The following GLB1 variants were observed in gnomAD, a reference collection of about 807,000 sequenced individuals.
GLB1 encodes the protein beta-galactosidase.
A neutral mutation model predicts 74.0 loss-of-function variants in GLB1; 56 were observed. The observed-to-expected ratio is 0.76, with a 90% CI of 0.61 to 0.94. GLB1 has a LOEUF of 0.94. GLB1 is among the 40% of genes least tolerant of loss of function. The probability of loss-of-function intolerance (pLI) is 0.00; values close to 1 mark genes in which losing one functional copy is unlikely to be tolerated. For synonymous variants in GLB1, 323 were observed against 323.6 expected, an observed-to-expected ratio of 1.00 and a Z score of 0.02; for missense variants, 787 against 845.5, an observed-to-expected ratio of 0.93 and a Z score of 0.86.
At chr3:32,978,160 T>G in the GLB1 span, among the ~76,000 whole-genome samples, 2 of 152,162 alleles carry the variant, frequency 1.3e-5, no homozygotes, top group African/African-American at 4.8e-5. Context: ...AAATGCCCAT[T>G]ATCTCAAAAA....
rs200496984 is a variant in GLB1, at chr3:33,093,350, C to T, written c.75+3661G>A. 38 of 1,614,152 alleles carry T rather than the reference C, an allele frequency of 2.4e-5. No homozygotes were observed. The highest frequency in any genetic ancestry group is 1.3e-4 in the Admixed American group (8 of 60,020). ...GTGCAAACCAGTTGCTGACATCTGA[C>T]GTGTAGTACTCATGATTGCCTGTGA... On this transcript the variant is annotated intron_variant, in intron 1 of 15. Transcript: ENST00000307363. The surrounding 1 kb of genome is among the most constrained non-coding windows in gnomAD (Gnocchi z 6.0).
At chr3:33,082,455 GC>G (rs1700357359) in intron 1 of GLB1, among the ~76,000 whole-genome samples, 1 of 152,148 alleles carries the variant, frequency 6.6e-6, no homozygotes, top group African/African-American at 2.4e-5. Flanking sequence ...AGCTATTAGT[GC>G]CCCCTCCACA....
intron 5 of GLB1, among the ~76,000 whole-genome samples, chr3:33,059,529 A>G (rs1339575551): frequency 1.3e-5 from 2 of 152,240 alleles, no homozygotes; most frequent in Non-Finnish European, 2.9e-5. Context: ...ATACAGTACA[A>G]TCCCCTTTAG....
chr3:33,031,380 A>G (rs1697997793), intron 10 of GLB1, among the ~76,000 whole-genome samples: 1 of 151,950 alleles, frequency 6.6e-6, no homozygotes, highest in Admixed American at 6.6e-5. Context: ...GCGGTGGCTT[A>G]CACCTGTAAT....
At chr3:33,018,702 T>C (rs1007243465) in intron 12 of GLB1, 141 bp from the exon 13 acceptor site, 19 of 875,418 alleles carry the variant, frequency 2.2e-5, no homozygotes, top group South Asian at 1.4e-4. Context: ...AAAAATTAAA[T>C]TTGAAAAAGG....
At position 33,011,863 on chromosome 3, in the gene GLB1, T is replaced by G. The variant is rs148913560; in HGVS notation, c.1734+2193A>C. ...TATATTCAAGTATTCCTGTTCGTAT[T>G]CCTTACCCTGGTCTTCTCTATAGAA... On this transcript the variant is annotated intron_variant, in intron 15 of 15. Transcript: ENST00000307363. 3.1e-3 allele frequency among the ~76,000 whole-genome samples: 470 copies of G among 152,300 alleles called. 1 individual carries two copies. The highest frequency in any genetic ancestry group is 0.01 in the African/African-American group (428 of 41,566).
intron 11 of GLB1, among the ~76,000 whole-genome samples, chr3:33,022,412 T>C (rs1022668018): frequency 2.0e-5 from 3 of 151,946 alleles, no homozygotes; most frequent in South Asian, 2.1e-4. Flanking sequence ...CACTAGCTCA[T>C]TGAATACTCA....
rs768763908 is a variant in GLB1, at chr3:33,093,506, C to T, written c.75+3505G>A. Reference sequence around the variant, plus strand: ...CTGGTTCCAGCACATTCACCATCCTCACAAACATTTCCATCTTGGTCCTGC... The same window carrying T: ...CTGGTTCCAGCACATTCACCATCCTTACAAACATTTCCATCTTGGTCCTGC... On this transcript the variant is annotated intron_variant, in intron 1 of 15. Coordinates refer to ENST00000307363, the MANE Select transcript of GLB1 (RefSeq NM_000404.4). This position sits in a 1 kb window ranked among gnomAD's most constrained non-coding sequence, Gnocchi z 6.0. 81 of 1,614,094 alleles carry T rather than the reference C, an allele frequency of 5.0e-5. No individual in the cohort carries two copies. Among genetic ancestry groups the T allele is most frequent in the Non-Finnish European group, 6.7e-5 (79 of 1,180,042 alleles).
At chr3:33,015,593 C>T (rs776734829) in intron 14 of GLB1, among the ~76,000 whole-genome samples, 8 of 151,742 alleles carry the variant, frequency 5.3e-5, no homozygotes, top group Non-Finnish European at 1.2e-4. Context: ...GTATGTCAGG[C>T]TCTTTGACAG....
chr3:33,021,795 G>C (rs1210242249), intron 11 of GLB1, 140 bp from the exon 12 acceptor site: 7 of 947,726 alleles, frequency 7.4e-6, no homozygotes, highest in Non-Finnish European at 9.8e-6. Flanking sequence ...ATTCCACTCA[G>C]TATTGCTTCC....
intron 1 of GLB1, chr3:33,096,343 T>C (rs901949393): frequency 3.8e-5 from 37 of 969,888 alleles, no homozygotes; most frequent in Non-Finnish European, 3.4e-5. Flanking sequence ...CCTCACCTAT[T>C]CGCCTCGCCA....
At chr3:33,014,390 G>A in intron 14 of GLB1, 80 bp from the exon 15 acceptor site, 1 of 1,572,550 alleles carries the variant, frequency 6.4e-7, no homozygotes, top group Non-Finnish European at 8.6e-7. Context: ...CAGGGAAATG[G>A]GAAAAGCAAA....
chr3:33,034,567 C>A (rs1219183674), intron 10 of GLB1: 2 of 722,282 alleles, frequency 2.8e-6, no homozygotes, highest in Non-Finnish European at 5.1e-6. Flanking sequence ...GTGTGTTCAT[C>A]TGGACCTGTG....
intron 9 of GLB1, among the ~76,000 whole-genome samples, chr3:33,047,482 C>T (rs969392370): frequency 3.3e-5 from 5 of 152,204 alleles, no homozygotes; most frequent in East Asian, 1.9e-4. Flanking sequence ...GTCCAGGTGA[C>T]GCTGATGCTG....
intron 1 of GLB1, among the ~76,000 whole-genome samples, chr3:33,090,141 A>G (rs1184444701): frequency 6.6e-6 from 1 of 152,262 alleles, no homozygotes; most frequent in Non-Finnish European, 1.5e-5. Context: ...GATGATATTC[A>G]AGAATCACTG....
chr3:32,965,690 T>G, the GLB1 span, among the ~76,000 whole-genome samples: 1 of 152,186 alleles, frequency 6.6e-6, no homozygotes, highest in South Asian at 2.1e-4. Context: ...TCAGGGGATA[T>G]CAGAGACCTT....
chr3:32,987,913 G>A, the GLB1 span, among the ~76,000 whole-genome samples: 2 of 151,920 alleles, frequency 1.3e-5, no homozygotes, highest in Non-Finnish European at 2.9e-5. Flanking sequence ...GGCTGGGTAC[G>A]GTGGCTCATG....
Position 33,043,905 on chromosome 3 carries a change from A to G in GLB1, c.1068+2215T>C, listed in dbSNP as rs112190791. 2.4e-3 allele frequency among the ~76,000 whole-genome samples: 269 copies of G among 114,082 alleles called. 1 individual carries two copies. Among genetic ancestry groups the G allele is most frequent in the African/African-American group, 7.5e-3 (258 of 34,302 alleles). The allele number at this position is 114,082 out of a possible 152,430, so 74.8% of individuals were successfully genotyped here. On this transcript the variant is annotated intron_variant, in intron 10 of 15. Coordinates refer to ENST00000307363, the MANE Select transcript of GLB1 (RefSeq NM_000404.4). ...CCTTATTAGAAATAGAGGGTTATATAATCCCTTTACTATTAAGTACTGAAG... is the reference window on the plus strand; with the variant it reads ...CCTTATTAGAAATAGAGGGTTATATGATCCCTTTACTATTAAGTACTGAAG...
chr3:33,080,098 T>TTGTTGTTG (rs111917407), intron 1 of GLB1, among the ~76,000 whole-genome samples: 33,212 of 151,842 alleles, frequency 0.22, 5,814 homozygotes, highest in African/African-American at 0.47. Context: ...AACTGTTTTT[T>TTGTTGTTG]TTTGTTTGTT....
Sources: allele counts gnomAD v4.1 joint callset (sites outside exome capture counted in the v4.1 genomes callset), GRCh38; gene constraint gnomAD v4.1.1; non-coding constraint Gnocchi (gnomAD v3.1); transcripts MANE v1.5; gene names NCBI Gene and HGNC (gene_info 2026-07-23, HGNC 2026-07-21).